The following ARMH3 variants were observed in gnomAD, a reference collection of about 807,000 sequenced individuals.
ARMH3 encodes the protein armadillo-like helical domain-containing protein 3.
ARMH3 carries 60 observed loss-of-function variants against 99.1 expected under a neutral mutation model. That is an observed-to-expected ratio of 0.61 (90% CI 0.49 to 0.75). ARMH3 has a LOEUF of 0.75. Among genes scored for constraint, ARMH3 ranks in the 30% least tolerant of loss-of-function variants. ARMH3 has a pLI of 0.00. For synonymous variants in ARMH3, 285 were observed against 292.8 expected, an observed-to-expected ratio of 0.97 and a Z score of 0.27; for missense variants, 679 against 843.1, an observed-to-expected ratio of 0.81 and a Z score of 2.41.
At chr10:102,038,502 C>CA (rs2067333287) in intron 2 of ARMH3, among the ~76,000 whole-genome samples, 1 of 152,076 alleles carries the variant, frequency 6.6e-6, no homozygotes, top group South Asian at 2.1e-4. Flanking sequence ...CAAGGCTTGC[C>CA]AAAGTTAGGT....
At chr10:101,960,484 C>A (rs899267229) in intron 20 of ARMH3, among the ~76,000 whole-genome samples, 1 of 152,102 alleles carries the variant, frequency 6.6e-6, no homozygotes, top group Non-Finnish European at 1.5e-5. Context: ...ATCCGATTTC[C>A]TCATTTTTGG....
rs1336017737 is a variant in ARMH3, at chr10:101,847,288, C to T, written c.*240G>A. On this transcript the variant is annotated 3_prime_UTR_variant, in exon 26 of 26. Coordinates refer to ENST00000370033, the MANE Select transcript of ARMH3 (RefSeq NM_024541.3). ...TTTAGGGAGCCCACTCTGGAAGTCC[C>T]CACATTCCTGGAGGCCTCTCCCCAC... 2 of 466,522 alleles carry T rather than the reference C, an allele frequency of 4.3e-6. No individual in the cohort carries two copies. Among genetic ancestry groups the T allele is most frequent in the East Asian group, 3.8e-5 (1 of 26,236 alleles). The allele number at this position is 466,522 out of a possible 1,614,324, so 28.9% of individuals were successfully genotyped here.
At chr10:101,909,255 A>G (rs1842770045) in intron 23 of ARMH3, among the ~76,000 whole-genome samples, 1 of 151,790 alleles carries the variant, frequency 6.6e-6, no homozygotes, top group Non-Finnish European at 1.5e-5. Context: ...AAAAATACAA[A>G]AATTAGCCAG....
intron 24 of ARMH3, among the ~76,000 whole-genome samples, chr10:101,856,377 T>C (rs916920510): frequency 6.6e-6 from 1 of 152,236 alleles, no homozygotes; most frequent in Non-Finnish European, 1.5e-5. Context: ...GATCTTTAAT[T>C]GGGCTTTTTA....
At chr10:101,990,045 T>C (rs912075354) in intron 19 of ARMH3, among the ~76,000 whole-genome samples, 5 of 152,202 alleles carry the variant, frequency 3.3e-5, no homozygotes, top group Non-Finnish European at 5.9e-5. Flanking sequence ...TGCGGATATG[T>C]GCAGAATCCA....
intron 19 of ARMH3, among the ~76,000 whole-genome samples, chr10:101,989,913 C>T (rs368750634): frequency 1.3e-5 from 2 of 152,132 alleles, no homozygotes; most frequent in Non-Finnish European, 2.9e-5. Context: ...CTACCTAATG[C>T]GAAAGCTCAG....
At chr10:101,881,820 T>G (rs2067426986) in intron 24 of ARMH3, among the ~76,000 whole-genome samples, 1 of 152,226 alleles carries the variant, frequency 6.6e-6, no homozygotes, top group Non-Finnish European at 1.5e-5. Flanking sequence ...CTTTCTGTCC[T>G]TTTCAGATCC....
chr10:101,990,328 C>T (rs761394875), intron 19 of ARMH3, among the ~76,000 whole-genome samples: 4 of 152,030 alleles, frequency 2.6e-5, no homozygotes, highest in Non-Finnish European at 4.4e-5. Flanking sequence ...AGACTACAGG[C>T]GCCCACCACT....
rs1273929463 is a variant in ARMH3, at chr10:101,889,706, T to G, written c.1782-216A>C. 103 of 534,100 alleles carry G rather than the reference T, an allele frequency of 1.9e-4. 1 individual carries two copies. The Admixed American group carries it at 3.2e-3, about 16-fold the overall frequency. The allele number at this position is 534,100 out of a possible 1,614,324, so 33.1% of individuals were successfully genotyped here. A position where few individuals can be genotyped will look rare whatever the true frequency, so the allele number is the denominator to read the frequency against. On this transcript the variant is annotated intron_variant, in intron 23 of 25. Transcript: ENST00000370033. Reference sequence around the variant, plus strand: ...ATTTACTATTAGACAGAAAATAGAATCAAGCATCTCTGCTCTGCAAATGAA... The same window carrying G: ...ATTTACTATTAGACAGAAAATAGAAGCAAGCATCTCTGCTCTGCAAATGAA...
At chr10:102,009,129 T>G (rs887316971) in intron 13 of ARMH3, among the ~76,000 whole-genome samples, 3 of 152,164 alleles carry the variant, frequency 2.0e-5, no homozygotes, top group Non-Finnish European at 4.4e-5. Flanking sequence ...TCATTTGGGT[T>G]AACAGGATCA....
chr10:101,988,997 A>C (rs993519351), intron 19 of ARMH3, among the ~76,000 whole-genome samples: 16 of 151,558 alleles, frequency 1.1e-4, no homozygotes, highest in Non-Finnish European at 2.2e-4. Context: ...ACCTCCCTAG[A>C]TCCCAGGCCT....
intron 24 of ARMH3, among the ~76,000 whole-genome samples, chr10:101,868,928 C>T (rs932049056): frequency 3.3e-5 from 5 of 151,866 alleles, no homozygotes; most frequent in Non-Finnish European, 4.4e-5. Flanking sequence ...AAAAATTAGC[C>T]GGGTGTGGTG....
intron 14 of ARMH3, among the ~76,000 whole-genome samples, chr10:102,003,667 A>G (rs911975825): frequency 7.9e-5 from 12 of 152,250 alleles, no homozygotes; most frequent in African/African-American, 1.9e-4. Context: ...ATTACTCATA[A>G]TATGTATTCA....
intron 8 of ARMH3, among the ~76,000 whole-genome samples, chr10:102,016,927 C>T (rs948388880): frequency 4.6e-5 from 7 of 152,122 alleles, no homozygotes; most frequent in African/African-American, 1.7e-4. Flanking sequence ...TAAAATGGAA[C>T]ACATTACTTG....
At chr10:102,041,252 C>G (rs1564878857) in intron 1 of ARMH3, among the ~76,000 whole-genome samples, 1 of 151,486 alleles carries the variant, frequency 6.6e-6, no homozygotes, top group Non-Finnish European at 1.5e-5. Flanking sequence ...AACCCGAAAT[C>G]CCACAGGTCT....
At chr10:102,006,160 C>G (rs893384910) in intron 14 of ARMH3, among the ~76,000 whole-genome samples, 5 of 152,198 alleles carry the variant, frequency 3.3e-5, no homozygotes, top group Non-Finnish European at 5.9e-5. Context: ...GATAACATTA[C>G]TATTTTACAT....
At chr10:101,908,725 G>A (rs548075627) in intron 23 of ARMH3, among the ~76,000 whole-genome samples, 8 of 149,624 alleles carry the variant, frequency 5.3e-5, no homozygotes, top group South Asian at 4.2e-4. Flanking sequence ...GTGCAATGGC[G>A]CAGTCTCAGC....
rs79878824 is a variant in ARMH3, at chr10:101,962,894, T to G, written c.1496-5162A>C. ...ACCAAAAACCATACTTTGATCACAA[T>G]TCCACTGATTAGCCCCTCACATAAC... On this transcript the variant is annotated intron_variant, in intron 20 of 25. Transcript: ENST00000370033. 4.2e-3 allele frequency among the ~76,000 whole-genome samples: 633 copies of G among 152,186 alleles called. 8 individuals carry two copies. Among genetic ancestry groups the G allele is most frequent in the African/African-American group, 0.014 (586 of 41,530 alleles).
chr10:101,888,889 A>C (rs2067618794), intron 24 of ARMH3, among the ~76,000 whole-genome samples: 1 of 152,226 alleles, frequency 6.6e-6, no homozygotes, highest in South Asian at 2.1e-4. Flanking sequence ...AAACAAAGAC[A>C]CAAGGCTATC....
Sources: gnomAD v4.1 joint callset for allele counts (sites outside exome capture counted in the v4.1 genomes callset) on GRCh38, gnomAD v4.1.1 for gene constraint, MANE v1.5 for transcripts, NCBI Gene and HGNC (gene_info 2026-07-23, HGNC 2026-07-21) for gene names.